SLF1: variants seen among roughly 807,000 people sequenced by gnomAD.
SLF1 encodes SMC5/6 complex localization factor 1.
In SLF1, 105 loss-of-function variants were observed where a neutral mutation model predicts 123.0. The ratio of observed to expected loss-of-function variants is 0.85; its 90% CI spans 0.73 to 1.00. SLF1 has a LOEUF of 1.00. Ranked by LOEUF, SLF1 falls within the 50% of genes least tolerant of loss-of-function variation. SLF1 has a pLI of 0.00. For synonymous variants in SLF1, 434 were observed against 406.6 expected (o/e 1.07, Z -0.81); for missense variants, 1,239 against 1,223.0 (o/e 1.01, Z -0.20).
intron 18 of SLF1, 57 bp from the exon 19 acceptor site, chr5:94,691,506 AT>A (rs1022938552): frequency 1.3e-4 from 185 of 1,396,092 alleles, no homozygotes; most frequent in Admixed American, 2.6e-4. Flanking sequence ...CCCTTTGATT[AT>A]TTTTTTTAGT....
chr5:94,672,453 C>T (rs946840261), intron 14 of SLF1, among the ~76,000 whole-genome samples: 1 of 151,448 alleles, frequency 6.6e-6, no homozygotes, highest in Non-Finnish European at 1.5e-5. Context: ...CTCTCTCTCT[C>T]CCTCTTTCTC....
In SLF1 at chr5:94,688,358, T is replaced by G. The variant is rs985674950; in HGVS notation, c.2122-148T>G. The G allele has an allele frequency of 4.2e-6, 3 of 710,396 alleles. No homozygotes were observed. The African/African-American group carries it at 5.4e-5, about 13-fold the overall frequency. The allele number at this position is 710,396 out of a possible 1,614,324, so 44.0% of individuals were successfully genotyped here. On this transcript the variant is annotated intron_variant, in intron 16 of 20. Coordinates refer to ENST00000265140, the MANE Select transcript of SLF1 (RefSeq NM_032290.4). ...TGACACAAAACTAGTTTTCTTAATATTTTATTATGTTCAACCAAGATAGAG... is the reference window on the plus strand; with the variant it reads ...TGACACAAAACTAGTTTTCTTAATAGTTTATTATGTTCAACCAAGATAGAG...
intron 4 of SLF1, among the ~76,000 whole-genome samples, chr5:94,641,933 G>A (rs1746496975): frequency 6.6e-6 from 1 of 152,138 alleles, no homozygotes; most frequent in Admixed American, 6.6e-5. Flanking sequence ...ACAAGACCTG[G>A]GACCTAAGTG....
intron 10 of SLF1, among the ~76,000 whole-genome samples, chr5:94,663,033 G>A (rs1230020608): frequency 6.6e-6 from 1 of 152,136 alleles, no homozygotes; most frequent in Non-Finnish European, 1.5e-5. Flanking sequence ...AATATTGCTT[G>A]TGCTTGATGA....
rs1392906587 is a variant in SLF1 at position 94,697,406 on chromosome 5, T to G, written c.*2094T>G. ...TCTTGGAGGTATAGGAAGAAGAAATTCTCAATAAGTAAAGTATAATTCATA... is the reference window on the plus strand; with the variant it reads ...TCTTGGAGGTATAGGAAGAAGAAATGCTCAATAAGTAAAGTATAATTCATA... On this transcript the variant is annotated 3_prime_UTR_variant, in exon 21 of 21. Transcript: ENST00000265140. The G allele has an allele frequency of 6.6e-6, 1 of 151,884 alleles. No individual in the cohort carries two copies. Among genetic ancestry groups the G allele is most frequent in the Non-Finnish European group, 1.5e-5 (1 of 67,898 alleles). The allele number at this position is 151,884 out of a possible 1,614,324, so 9.4% of individuals were successfully genotyped here. A position where few individuals can be genotyped will look rare whatever the true frequency, so the allele number is the denominator to read the frequency against.
intron 12 of SLF1, among the ~76,000 whole-genome samples, chr5:94,668,527 A>G (rs1489822553): frequency 2.0e-5 from 3 of 151,610 alleles, no homozygotes; most frequent in Non-Finnish European, 4.4e-5. Context: ...GTAGAGATGG[A>G]GTTTTACCAT....
rs985120867 is a variant in SLF1, at chr5:94,666,689, T to G, written c.1532+665T>G. Among the ~76,000 whole-genome samples, 3 of 152,198 alleles carry G rather than the reference T, an allele frequency of 2.0e-5. No individual in the cohort carries two copies. The East Asian group carries it at 5.8e-4, about 29-fold the overall frequency. The stretch of plus-strand genomic sequence containing the variant: ...TCTCGCTCTGTCACCCAGGCTGGAG[T>G]GCAGTGGCCTGATCTTGGCTCACTG... On this transcript the variant is annotated intron_variant, in intron 12 of 20. Transcript: ENST00000265140.
In SLF1 at chr5:94,691,565, A is replaced by T. The variant is rs75644346; in HGVS notation, c.2421A>T (p.Gly807=). Residue 807 remains glycine (G), a splice_region_variant and synonymous_variant, in exon 19 of 21, where the codon GGA becomes GGT. Coordinates refer to ENST00000265140, the MANE Select transcript of SLF1 (RefSeq NM_032290.4). ...TAATCTATTAATTTTTTATGGCAGG[A>T]GAAACAGCCCTGCATAGAGCTTGCA... is the stretch of plus-strand genomic sequence containing the variant. ...KMNFHKTNLK[G]ETALHRACIN... The T allele has an allele frequency of 2.5e-6, 4 of 1,585,474 alleles. No homozygotes were observed. Among genetic ancestry groups the T allele is most frequent in the Non-Finnish European group, 3.4e-6 (4 of 1,169,798 alleles).
intron 8 of SLF1, 31 bp from the exon 9 acceptor site, chr5:94,654,599 T>C (rs903264923): frequency 1.3e-6 from 2 of 1,503,942 alleles, no homozygotes; most frequent in African/African-American, 2.8e-5. Flanking sequence ...TTAGTACATT[T>C]TCTAAAGTCA....
rs77884665 is a variant in SLF1 at position 94,683,397 on chromosome 5, C to T, written c.1976-3176C>T. ...TGGAAGAAGTAAACAAAACATGGTC[C>T]TTGTGGTTTTTTTATTTTATTTTTA... On this transcript the variant is annotated intron_variant, in intron 15 of 20. Transcript: ENST00000265140. 4.1e-3 allele frequency among the ~76,000 whole-genome samples: 631 copies of T among 152,176 alleles called. 4 individuals are homozygous for T. Among genetic ancestry groups the T allele is most frequent in the African/African-American group, 0.015 (610 of 41,526 alleles).
intron 15 of SLF1, among the ~76,000 whole-genome samples, chr5:94,685,678 T>C (rs1421898372): frequency 6.6e-6 from 1 of 152,084 alleles, no homozygotes; most frequent in Non-Finnish European, 1.5e-5. Context: ...TTTTGTTTCA[T>C]CATTTAAAAT....
intron 9 of SLF1, among the ~76,000 whole-genome samples, chr5:94,658,469 A>G (rs182381770): frequency 2.0e-5 from 3 of 150,410 alleles, no homozygotes; most frequent in East Asian, 3.9e-4. Context: ...TTTCCTTTCA[A>G]CACTATGAAT....
At chr5:94,654,495 T>C (rs958049782) in intron 8 of SLF1, 135 bp from the exon 9 acceptor site, 3 of 490,936 alleles carry the variant, frequency 6.1e-6, no homozygotes, top group Non-Finnish European at 9.5e-6. Context: ...GTAATCTTGA[T>C]ATATGATTGT....
At position 94,648,487 on chromosome 5, in the gene SLF1, G is replaced by A. The variant is rs1438829323; in HGVS notation, c.595-967G>A. Among the ~76,000 whole-genome samples, 3 of 152,106 alleles carry A rather than the reference G, an allele frequency of 2.0e-5. No individual in the cohort carries two copies. In the East Asian group the frequency reaches 5.8e-4, roughly 29 times the overall value. On this transcript the variant is annotated intron_variant, in intron 5 of 20. Coordinates refer to ENST00000265140, the MANE Select transcript of SLF1 (RefSeq NM_032290.4). ...TAGAGATTGTGAATCTCTGAAAATA[G>A]CCTTTCTTTCTTTAGATGGAGTCTC...
chr5:94,621,905 CAT>C (rs1491524374), intron 1 of SLF1, among the ~76,000 whole-genome samples: 53 of 148,030 alleles, frequency 3.6e-4, no homozygotes, highest in Non-Finnish European at 5.8e-4. Flanking sequence ...CACACACACA[CAT>C]ACACACGTGC....
intron 5 of SLF1, among the ~76,000 whole-genome samples, chr5:94,643,848 G>A (rs1746714846): frequency 6.6e-6 from 1 of 152,014 alleles, no homozygotes; most frequent in South Asian, 2.1e-4. Context: ...GTTTGAATGG[G>A]CATCAAACCC....
rs752273046 is a variant in SLF1 at position 94,678,947 on chromosome 5, C to A, written c.1967C>A (p.Ser656Ter). 6 of 1,612,192 alleles carry A rather than the reference C, an allele frequency of 3.7e-6. No individual in the cohort carries two copies. Among genetic ancestry groups the A allele is most frequent in the Non-Finnish European group, 5.1e-6 (6 of 1,179,260 alleles). ...SDDLGSYVSLSCDDFSSQELE... is the reference protein window; with the variant it reads ...SDDLGSYVSL The stretch of plus-strand genomic sequence containing the variant: ...GACTTAGGAAGTTATGTTTCTCTTT[C>A]GTGTGATGGTAAGTTTGTCTATGTT... The change falls in exon 15 of 21, where the codon TCG (serine) becomes TAG (stop). Residue 656 changes from serine to a stop codon, truncating the protein, a stop_gained. Transcript: ENST00000265140. LOFTEE classifies it high-confidence loss of function.
intron 9 of SLF1, among the ~76,000 whole-genome samples, chr5:94,658,034 AT>A (rs553012669): frequency 3.0e-4 from 45 of 152,112 alleles, no homozygotes; most frequent in African/African-American, 1.0e-3. Context: ...AATTTAATCC[AT>A]CTACATTCAA....
chr5:94,653,403 C>T lies in SLF1; in HGVS notation c.1014C>T (p.His338=). 1.3e-6 allele frequency: 2 copies of T among 1,519,366 alleles called. No homozygotes were observed. The highest frequency in any genetic ancestry group is 1.8e-6 in the Non-Finnish European group (2 of 1,138,144). 94.1% of individuals were successfully genotyped at this position (1,519,366 alleles called of 1,614,324 possible). ...AAATAAAAAGTACCTTAAGAAGGCA[C>T]ATATATAATAGAGATCAGGTAAAGT... ...HEKIKSTLRR[H]IYNRDQKEMK... is the part of the protein sequence containing the mutation. Residue 338 remains histidine, a synonymous_variant, in exon 8 of 21, where the codon CAC becomes CAT. Coordinates refer to ENST00000265140, the MANE Select transcript of SLF1 (RefSeq NM_032290.4).
Sources: allele counts gnomAD v4.1 joint callset (sites outside exome capture counted in the v4.1 genomes callset), GRCh38; gene constraint gnomAD v4.1.1; transcripts MANE v1.5; gene names NCBI Gene and HGNC (gene_info 2026-07-23, HGNC 2026-07-21).